SACS: variants seen among roughly 807,000 people sequenced by gnomAD.
SACS encodes the protein sacsin molecular chaperone.
Under a neutral mutation model 348.0 loss-of-function variants are expected in SACS, and 197 were observed. The ratio of observed to expected loss-of-function variants is 0.57; its 90% CI spans 0.50 to 0.64. SACS has a LOEUF of 0.64. Ranked by LOEUF, SACS falls within the 30% of genes least tolerant of loss-of-function variation. The probability of loss-of-function intolerance (pLI) is 0.00; values close to 1 mark genes in which losing one functional copy is unlikely to be tolerated. For synonymous variants in SACS, 1,985 were observed against 1,910.6 expected (o/e 1.04, Z -1.02); for missense variants, 4,999 against 5,360.8 (o/e 0.93, Z 2.11).
intron 1 of SACS, among the ~76,000 whole-genome samples, chr13:23,430,592 A>T (rs2138028162): frequency 6.6e-6 from 1 of 152,348 alleles, no homozygotes; most frequent in African/African-American, 2.4e-5. Context: ...AAATGTGCAC[A>T]AATTCTAGAT....
At chr13:23,393,589 T>G (rs148394454) in intron 2 of SACS, among the ~76,000 whole-genome samples, 70 of 152,248 alleles carry the variant, frequency 4.6e-4, no homozygotes, top group African/African-American at 1.6e-3. Context: ...CCACCTGAAT[T>G]TTTAGTACTC....
chr13:23,375,855 C>T (rs1871772904), intron 2 of SACS, among the ~76,000 whole-genome samples: 1 of 152,154 alleles, frequency 6.6e-6, no homozygotes. Flanking sequence ...AGCTAGAGGA[C>T]AGGTGCGTTG....
In SACS at chr13:23,427,841, G is replaced by A. The variant is rs528563080; in HGVS notation, c.-502+5774C>T. On this transcript the variant is annotated intron_variant, in intron 1 of 9. Transcript: ENST00000382292. ...CTGGCTGGTCCCCGAGGACGAGGAC[G>A]GGACAAGAAAGGCCTCTCCTGCAGG... 12 of 152,348 alleles carry A rather than the reference G, an allele frequency of 7.9e-5. No homozygotes were observed. The South Asian group carries it at 8.3e-4, about 11-fold the overall frequency. The allele number at this position is 152,348 out of a possible 1,614,324, so 9.4% of individuals were successfully genotyped here.
intron 1 of SACS, among the ~76,000 whole-genome samples, chr13:23,413,951 A>G (rs535151424): frequency 6.6e-6 from 1 of 152,314 alleles, no homozygotes; most frequent in Non-Finnish European, 1.5e-5. Context: ...AATGTTTAAA[A>G]TTAAAAGAGG....
At chr13:23,368,558 A>C in intron 4 of SACS, 71 bp from the exon 5 acceptor site, 1 of 1,020,992 alleles carries the variant, frequency 9.8e-7, no homozygotes, top group Non-Finnish European at 1.5e-6. Flanking sequence ...GTGTGACTTG[A>C]ATCTGAGACA....
At chr13:23,363,014 T>G (rs899073024) in intron 6 of SACS, among the ~76,000 whole-genome samples, 2 of 143,898 alleles carry the variant, frequency 1.4e-5, no homozygotes, top group African/African-American at 5.2e-5. Flanking sequence ...GGTTCAAGGG[T>G]TCTCCTGCCT....
Position 23,333,259 on chromosome 13 carries a change from A to G in SACS, c.10617T>C (p.His3539=), listed in dbSNP as rs778799757. Residue 3539 remains histidine, a synonymous_variant, in exon 10 of 10, where the codon CAT becomes CAC. Transcript: ENST00000382292. The stretch of plus-strand genomic sequence containing the variant: ...AAACTCTCACAGTTCTATCATAGAA[A>G]TGCTTTGCTTGCTTTAGTCTACTGT... ...DANSRLKQAK[H]FYDRTVRVFE... The G allele has an allele frequency of 7.5e-6, 12 of 1,601,168 alleles. No individual in the cohort carries two copies. Among genetic ancestry groups the G allele is most frequent in the Middle Eastern group, 1.7e-4 (1 of 5,996 alleles).
intron 4 of SACS, among the ~76,000 whole-genome samples, chr13:23,369,674 A>T (rs1166790663): frequency 6.6e-6 from 1 of 150,950 alleles, no homozygotes; most frequent in Non-Finnish European, 1.5e-5. Flanking sequence ...CCTCCTGAGT[A>T]GCTGGGACTA....
chr13:23,417,994 A>G (rs1873750947), intron 1 of SACS, among the ~76,000 whole-genome samples: 1 of 151,142 alleles, frequency 6.6e-6, no homozygotes, highest in Non-Finnish European at 1.5e-5. Flanking sequence ...ACTTGAGCCC[A>G]GGAGGCAGTC....
chr13:23,331,964 G>A lies in SACS; in HGVS notation c.11912C>T (p.Pro3971Leu), dbSNP rs1243760898. 2 of 1,613,900 alleles carry A rather than the reference G, an allele frequency of 1.2e-6. No homozygotes were observed. The highest frequency in any genetic ancestry group is 8.5e-7 in the Non-Finnish European group (1 of 1,179,970). ...LIMLFPQKLR[P>L]RLLSSILEEQ... ...TTCAAGTATACTGCTCAATAATCGA[G>A]GTCTAAGTTTTTGAGGAAAGAGCAT... is the stretch of plus-strand genomic sequence containing the variant. Residue 3971 changes from proline to leucine, a missense_variant, in exon 10 of 10, where the codon CCT becomes CTT. Pro to Leu is a moderately conservative substitution (Grantham distance 98). Transcript: ENST00000382292.
chr13:23,379,984 C>T (rs1053503797), intron 2 of SACS, among the ~76,000 whole-genome samples: 17 of 152,082 alleles, frequency 1.1e-4, no homozygotes, highest in Non-Finnish European at 2.2e-4. Flanking sequence ...TCCCCAAGCA[C>T]ATTCCAGAGC....
At position 23,335,592 on chromosome 13, in the gene SACS, G is replaced by C; in HGVS notation, c.8284C>G (p.Leu2762Val). The C allele has an allele frequency of 6.2e-7, 1 of 1,613,738 alleles. No homozygotes were observed. The change falls in exon 10 of 10, where the codon CTG (leucine) becomes GTG (valine). Residue 2762 changes from leucine to valine, a missense_variant. By Grantham distance (32) the Leu-to-Val change is conservative. Around this residue, in one of 6 missense-constraint regions of SACS, gnomAD observed 3,156 missense variants for 3,380.1 expected, o/e 0.93. Transcript: ENST00000382292. This position sits in a 1 kb window ranked among gnomAD's most constrained non-coding sequence, Gnocchi z 4.7. Reference sequence around the variant, plus strand: ...GTGATTTTGCCCTTTACTGAATACAGCACATTTAGAGCTCCAGTACTCTTA... The same window carrying C: ...GTGATTTTGCCCTTTACTGAATACACCACATTTAGAGCTCCAGTACTCTTA... The part of the protein sequence containing the change: ...IDKSTGALNV[L>V]YSVKGKITDG...
At chr13:23,421,955 C>A (rs1011412317) in intron 1 of SACS, among the ~76,000 whole-genome samples, 1 of 151,624 alleles carries the variant, frequency 6.6e-6, no homozygotes, top group Admixed American at 6.6e-5. Flanking sequence ...CAGACATGCA[C>A]CGAGATGCCT....
In SACS at chr13:23,330,933, C is replaced by G. The variant is rs761511733; in HGVS notation, c.12943G>C (p.Glu4315Gln). The change falls in exon 10 of 10, where the codon GAG becomes CAG. Residue 4315 changes from glutamate (E) to glutamine (Q), a missense_variant. By Grantham distance (29) the Glu-to-Gln change is conservative. Transcript: ENST00000382292. ...GATTCTGGAAGCTTCCATGCTTGCT[C>G]CACCACAGATGTCACTTCTTTTAAG... ...EILKEVTSVVEQAWKLPESER... is the reference protein window; with the variant it reads ...EILKEVTSVVQQAWKLPESER... 6.2e-7 allele frequency: 1 copy of G among 1,614,084 alleles called. No individual in the cohort carries two copies. Among genetic ancestry groups the G allele is most frequent in the South Asian group, 1.1e-5 (1 of 91,088 alleles).
At chr13:23,399,743 G>A (rs965188468) in intron 2 of SACS, among the ~76,000 whole-genome samples, 6 of 151,934 alleles carry the variant, frequency 3.9e-5, no homozygotes, top group African/African-American at 9.7e-5. Context: ...TTGAGTGCTC[G>A]TTTTCCTTGT....
Position 23,330,335 on chromosome 13 carries a change from T to C in SACS, c.13541A>G (p.Gln4514Arg). Residue 4514 changes from glutamine to arginine, a missense_variant, in exon 10 of 10, where the codon CAG becomes CGG. Coordinates refer to ENST00000382292, the MANE Select transcript of SACS (RefSeq NM_014363.6). ...ALAQKIEEYSQQLEGLTNDVH... is the reference protein window; with the variant it reads ...ALAQKIEEYSRQLEGLTNDVH... ...ATCATTTGTCAGTCCTTCAAGTTGC[T>C]GACTATATTCCTCTATTTTCTGAGC... 1 of 1,614,204 alleles carries C rather than the reference T, an allele frequency of 6.2e-7. No individual in the cohort carries two copies. Among genetic ancestry groups the C allele is most frequent in the Non-Finnish European group, 8.5e-7 (1 of 1,180,012 alleles).
In SACS at chr13:23,329,286, A is replaced by G. The variant is rs1566052853; in HGVS notation, c.*850T>C. 1.7e-6 allele frequency: 1 copy of G among 582,312 alleles called. No homozygotes were observed. Among genetic ancestry groups the G allele is most frequent in the Non-Finnish European group, 3.1e-6 (1 of 327,580 alleles). The allele number at this position is 582,312 out of a possible 1,614,324, so 36.1% of individuals were successfully genotyped here. A position where few individuals can be genotyped will look rare whatever the true frequency, so the allele number is the denominator to read the frequency against. On this transcript the variant is annotated 3_prime_UTR_variant, in exon 10 of 10. Coordinates refer to ENST00000382292, the MANE Select transcript of SACS (RefSeq NM_014363.6). Reference sequence around the variant, plus strand: ...TTTAACTGCAGCACCTTTAGACAACAAAAGATTGCATCCTGTTCAACCACA... The same window carrying G: ...TTTAACTGCAGCACCTTTAGACAACGAAAGATTGCATCCTGTTCAACCACA...
rs1286107577 is a variant in SACS, at chr13:23,406,893, AGCACAC to A, written c.20+4321_20+4326del. 3.9e-5 allele frequency among the ~76,000 whole-genome samples: 6 copies of A among 152,354 alleles called. No individual in the cohort carries two copies. In the East Asian group the frequency reaches 1.2e-3, roughly 29 times the overall value. The stretch of plus-strand genomic sequence containing the variant: ...AGAGATATTTTATGCTTCAATCTAC[AGCACAC>A]CCTTGTAGGTTATCAGTTTCTAGAT... On this transcript the variant is annotated intron_variant, in intron 2 of 9. Transcript: ENST00000382292.
At position 23,334,201 on chromosome 13, in the gene SACS, T is replaced by C. The variant is rs1414874803; in HGVS notation, c.9675A>G (p.Glu3225=). The change falls in exon 10 of 10, where the codon GAA becomes GAG. Residue 3225 remains glutamate, a synonymous_variant. Transcript: ENST00000382292. ...ACTTTGTGCAACTTTTGGTCTTATA[T>C]TCTCGAGGCAACACAGAGGATAACA... ...ADLLSSVLPR[E]YKTKSCTKWK... is the part of the protein sequence containing the mutation. 4 of 1,613,864 alleles carry C rather than the reference T, an allele frequency of 2.5e-6. No individual in the cohort carries two copies. The highest frequency in any genetic ancestry group is 3.4e-6 in the Non-Finnish European group (4 of 1,179,812).
Sources: allele counts gnomAD v4.1 joint callset (sites outside exome capture counted in the v4.1 genomes callset), GRCh38; gene constraint gnomAD v4.1.1; regional missense constraint gnomAD v4.1.1; non-coding constraint Gnocchi (gnomAD v3.1); transcripts MANE v1.5; gene names NCBI Gene and HGNC (gene_info 2026-07-23, HGNC 2026-07-21).